Variants in MACROD2 observed in about 807,000 individuals in gnomAD.
MACROD2 encodes the protein ADP-ribose glycohydrolase MACROD2.
In MACROD2, 36 loss-of-function variants were observed where a neutral mutation model predicts 70.4. The observed-to-expected ratio is 0.51, with a 90% CI of 0.39 to 0.68. The LOEUF (loss-of-function observed/expected upper bound fraction) is 0.68. Among genes scored for constraint, MACROD2 ranks in the 30% least tolerant of loss-of-function variants. The pLI is 0.00. For synonymous variants in MACROD2, 172 were observed against 178.8 expected, an observed-to-expected ratio of 0.96 and a Z score of 0.30; for missense variants, 496 against 538.4, an observed-to-expected ratio of 0.92 and a Z score of 0.78.
rs564111916 is a variant in MACROD2 at position 15,742,900 on chromosome 20, G to C, written c.646-119845G>C. Among the ~76,000 whole-genome samples the C allele has an allele frequency of 3.9e-5, 6 of 152,310 alleles. No homozygotes were observed. The East Asian group carries it at 1.2e-3, about 29-fold the overall frequency. Reference sequence around the variant, plus strand: ...TCCCTAGGGTATGTCCAATATAACTGTGATAATGAGGAATTTGCAGGTGGA... The same window carrying C: ...TCCCTAGGGTATGTCCAATATAACTCTGATAATGAGGAATTTGCAGGTGGA... On this transcript the variant is annotated intron_variant, in intron 8 of 17. Transcript: ENST00000684519.
At chr20:16,025,156 A>G (rs948323736) in intron 15 of MACROD2, among the ~76,000 whole-genome samples, 1 of 152,186 alleles carries the variant, frequency 6.6e-6, no homozygotes, top group Non-Finnish European at 1.5e-5. Context: ...TATGATAGGG[A>G]AAGTTTCTTG....
At chr20:15,385,419 G>A (rs945424856) in intron 6 of MACROD2, among the ~76,000 whole-genome samples, 4 of 152,100 alleles carry the variant, frequency 2.6e-5, no homozygotes, top group Non-Finnish European at 5.9e-5. Flanking sequence ...GAAGGCCTGA[G>A]GCACAATCAT....
At chr20:14,146,274 G>C (rs2054941662) in intron 3 of MACROD2, among the ~76,000 whole-genome samples, 1 of 152,070 alleles carries the variant, frequency 6.6e-6, no homozygotes, top group Non-Finnish European at 1.5e-5. Flanking sequence ...AGCCGAGGTG[G>C]CGCCACTGCA....
intron 3 of MACROD2, among the ~76,000 whole-genome samples, chr20:14,241,708 A>C (rs893098757): frequency 6.6e-6 from 1 of 152,144 alleles, no homozygotes; most frequent in Admixed American, 6.5e-5. Flanking sequence ...CTGTGGGATG[A>C]TGTGTTAGAA....
intron 5 of MACROD2, among the ~76,000 whole-genome samples, chr20:14,799,854 G>A (rs1286477537): frequency 2.6e-5 from 4 of 152,080 alleles, no homozygotes; most frequent in Non-Finnish European, 4.4e-5. Flanking sequence ...AAGGGTTAAT[G>A]GAAGAAATAT....
chr20:15,021,110 A>ATACACATACGTG (rs2075168127), intron 5 of MACROD2, among the ~76,000 whole-genome samples: 1 of 93,096 alleles, frequency 1.1e-5, no homozygotes, highest in Non-Finnish European at 2.3e-5. Context: ...ATACACGTGT[A>ATACACATACGTG]TGTGTATACA....
At position 15,755,108 on chromosome 20, in the gene MACROD2, A is replaced by T. The variant is rs186973722; in HGVS notation, c.646-107637A>T. On this transcript the variant is annotated intron_variant, in intron 8 of 17. Coordinates refer to ENST00000684519, the MANE Select transcript of MACROD2 (RefSeq NM_001351661.2). ...TCCTAACCTCAGGTGATCCACCTGC[A>T]TCGGCCTCCCAAAGTGCTGAAATTA... Among the ~76,000 whole-genome samples the T allele has an allele frequency of 6.9e-3, 1,046 of 152,218 alleles. 11 individuals are homozygous for T. Among genetic ancestry groups the T allele is most frequent in the African/African-American group, 0.024 (980 of 41,536 alleles).
chr20:14,162,094 G>A (rs1333028830), intron 3 of MACROD2, among the ~76,000 whole-genome samples: 1 of 152,020 alleles, frequency 6.6e-6, no homozygotes, highest in African/African-American at 2.4e-5. Flanking sequence ...ATTTTTAATT[G>A]TTTTAAGAAT....
At chr20:16,003,712 C>T (rs1339242129) in intron 15 of MACROD2, among the ~76,000 whole-genome samples, 1 of 152,128 alleles carries the variant, frequency 6.6e-6, no homozygotes, top group African/African-American at 2.4e-5. Context: ...ACTCTGTCGC[C>T]CAGGCTGGAG....
chr20:14,726,315 C>T (rs1006727924), intron 5 of MACROD2, among the ~76,000 whole-genome samples: 2 of 152,240 alleles, frequency 1.3e-5, no homozygotes, highest in South Asian at 4.1e-4. Flanking sequence ...CCATACAGTA[C>T]CTTGAAATCC....
At chr20:15,702,451 C>T (rs1345198527) in intron 8 of MACROD2, among the ~76,000 whole-genome samples, 1 of 152,084 alleles carries the variant, frequency 6.6e-6, no homozygotes, top group East Asian at 1.9e-4. Context: ...GTTTCTTGGC[C>T]ACTTGTATGT....
At chr20:15,034,991 C>T (rs561830988) in intron 5 of MACROD2, among the ~76,000 whole-genome samples, 72 of 152,200 alleles carry the variant, frequency 4.7e-4, no homozygotes, top group African/African-American at 1.7e-3. Context: ...TTGCTGGATT[C>T]ATGTGTCAGT....
At chr20:15,249,500 G>C (rs772232524) in intron 6 of MACROD2, among the ~76,000 whole-genome samples, 7 of 152,158 alleles carry the variant, frequency 4.6e-5, no homozygotes, top group Non-Finnish European at 8.8e-5. Flanking sequence ...AGGCTCCTCA[G>C]AGTTTTCAGG....
At chr20:15,974,021 A>G (rs1195518820) in intron 13 of MACROD2, among the ~76,000 whole-genome samples, 2 of 152,232 alleles carry the variant, frequency 1.3e-5, no homozygotes, top group Non-Finnish European at 1.5e-5. Flanking sequence ...ACTACGGATG[A>G]CATGGACTGT....
intron 5 of MACROD2, among the ~76,000 whole-genome samples, chr20:14,928,458 T>C (rs1361550232): frequency 6.6e-6 from 1 of 152,222 alleles, no homozygotes; most frequent in African/African-American, 2.4e-5. Flanking sequence ...TTGAAAGATA[T>C]GCTTAGTGCT....
chr20:14,038,032 C>T (rs915640598), intron 2 of MACROD2, among the ~76,000 whole-genome samples: 1 of 152,132 alleles, frequency 6.6e-6, no homozygotes, highest in Non-Finnish European at 1.5e-5. Context: ...CAGTGGCTCA[C>T]GCCTATTATC....
At chr20:14,312,399 C>T (rs536042371) in intron 3 of MACROD2, among the ~76,000 whole-genome samples, 9 of 152,162 alleles carry the variant, frequency 5.9e-5, no homozygotes, top group Non-Finnish European at 7.4e-5. Flanking sequence ...ACTAGTCAAA[C>T]ATCATAAGAG....
At chr20:15,377,022 C>A (rs2045572187) in intron 6 of MACROD2, among the ~76,000 whole-genome samples, 1 of 152,150 alleles carries the variant, frequency 6.6e-6, no homozygotes, top group Non-Finnish European at 1.5e-5. Flanking sequence ...TCCTGAGTAG[C>A]TGGGACTACA....
intron 5 of MACROD2, among the ~76,000 whole-genome samples, chr20:14,753,884 A>G (rs916985720): frequency 2.0e-5 from 3 of 152,080 alleles, no homozygotes; most frequent in African/African-American, 7.2e-5. Flanking sequence ...TCCATCCCCT[A>G]AAACACCATG....
Sources: gnomAD v4.1 joint callset for allele counts (sites outside exome capture counted in the v4.1 genomes callset) on GRCh38, gnomAD v4.1.1 for gene constraint, MANE v1.5 for transcripts, NCBI Gene and HGNC (gene_info 2026-07-23, HGNC 2026-07-21) for gene names.